The following EPB41 variants were observed in gnomAD, a reference collection of about 807,000 sequenced individuals.
EPB41 encodes erythrocyte membrane protein band 4.1, also known as protein 4.1.
EPB41 carries 65 observed loss-of-function variants against 108.0 expected under a neutral mutation model. The observed-to-expected ratio is 0.60, with a 90% CI of 0.49 to 0.74. The LOEUF is 0.74. Among genes scored for constraint, EPB41 ranks in the 30% least tolerant of loss-of-function variants. EPB41 has a pLI of 0.00. For missense variants in EPB41, 875 were observed against 1,037.0 expected, an observed-to-expected ratio of 0.84 and a Z score of 2.15; for synonymous variants, 336 against 358.9, an observed-to-expected ratio of 0.94 and a Z score of 0.72.
chr1:29,065,454 C>A, intron 16 of EPB41: 1 of 251,582 alleles, frequency 4.0e-6, no homozygotes, highest in Non-Finnish European at 7.4e-6. Context: ...GACCATAAGC[C>A]AGTAGAGGTT....
chr1:29,062,189 A>G (rs1379790302), intron 15 of EPB41, among the ~76,000 whole-genome samples: 1 of 152,216 alleles, frequency 6.6e-6, no homozygotes, highest in African/African-American at 2.4e-5. Context: ...TTCCATCTTC[A>G]GAGACTAGGA....
intron 1 of EPB41, among the ~76,000 whole-genome samples, chr1:28,892,785 T>C (rs1209401060): frequency 1.3e-5 from 2 of 149,568 alleles, no homozygotes; most frequent in East Asian, 2.0e-4. Flanking sequence ...GAAGTCAGGA[T>C]TTTCCCAGGT....
chr1:28,927,983 G>C (rs2093545797), intron 1 of EPB41, among the ~76,000 whole-genome samples: 1 of 152,058 alleles, frequency 6.6e-6, no homozygotes, highest in Non-Finnish European at 1.5e-5. Context: ...CCTCAGAGGT[G>C]CTGCTTTCTT....
intron 12 of EPB41, among the ~76,000 whole-genome samples, chr1:29,057,918 T>G (rs1645833315): frequency 6.6e-6 from 1 of 152,238 alleles, no homozygotes. Flanking sequence ...ATGTTGCAGC[T>G]GAATCCTGCA....
At chr1:29,044,278 G>T (rs1299339125) in intron 11 of EPB41, among the ~76,000 whole-genome samples, 1 of 152,136 alleles carries the variant, frequency 6.6e-6, no homozygotes, top group African/African-American at 2.4e-5. Context: ...AAAAATCCAG[G>T]TCTGTCTGAT....
intron 11 of EPB41, among the ~76,000 whole-genome samples, chr1:29,042,161 A>C (rs1226497051): frequency 6.6e-6 from 1 of 152,162 alleles, no homozygotes; most frequent in East Asian, 1.9e-4. Context: ...GATGTGAGGA[A>C]ATTTTATAAT....
chr1:28,980,593 T>C (rs1412779318), intron 1 of EPB41, among the ~76,000 whole-genome samples: 1 of 151,850 alleles, frequency 6.6e-6, no homozygotes, highest in Non-Finnish European at 1.5e-5. Flanking sequence ...TGTGTGTACC[T>C]GTAGTTCCAG....
At chr1:29,015,413 C>T (rs575827466) in intron 5 of EPB41, among the ~76,000 whole-genome samples, 4 of 151,546 alleles carry the variant, frequency 2.6e-5, no homozygotes, top group South Asian at 2.1e-4. Context: ...CAAAATTAGC[C>T]GGGCGTGGTG....
chr1:28,913,832 C>T (rs956600628), upstream of EPB41, among the ~76,000 whole-genome samples: 1 of 152,164 alleles, frequency 6.6e-6, no homozygotes, highest in Admixed American at 6.5e-5. Flanking sequence ...ACACACTAAG[C>T]AATTGTCAGA....
At chr1:28,955,349 C>CT (rs34535420) in intron 1 of EPB41, among the ~76,000 whole-genome samples, 66 of 147,446 alleles carry the variant, frequency 4.5e-4, no homozygotes, top group South Asian at 6.4e-4. Flanking sequence ...TTTCTTTATT[C>CT]TTTTTTTTTT....
chr1:29,067,533 G>A (rs557890850), intron 16 of EPB41, among the ~76,000 whole-genome samples: 33 of 145,570 alleles, frequency 2.3e-4, no homozygotes, highest in African/African-American at 8.0e-4. Context: ...CAGGCATGGT[G>A]GCATGCGCCT....
chr1:29,103,652 TTTTA>T (rs573384628), intron 17 of EPB41, among the ~76,000 whole-genome samples: 333 of 152,292 alleles, frequency 2.2e-3, no homozygotes, highest in African/African-American at 7.4e-3. Flanking sequence ...TTGCTTTTTA[TTTTA>T]TTTGTTTGTT....
chr1:29,057,145 G>A (rs1281729586), intron 12 of EPB41, among the ~76,000 whole-genome samples: 1 of 151,688 alleles, frequency 6.6e-6, no homozygotes, highest in South Asian at 2.1e-4. Flanking sequence ...GGACGGCTGA[G>A]GCGGGCGGAT....
intron 1 of EPB41, among the ~76,000 whole-genome samples, chr1:28,959,945 G>A (rs1373488585): frequency 6.7e-6 from 1 of 150,292 alleles, no homozygotes; most frequent in South Asian, 2.1e-4. Flanking sequence ...CCCTCCCAAA[G>A]TGCTGGGATT....
At chr1:28,929,230 A>ATT (rs543860349) in intron 1 of EPB41, among the ~76,000 whole-genome samples, 6 of 141,426 alleles carry the variant, frequency 4.2e-5, no homozygotes, top group African/African-American at 1.3e-4. Flanking sequence ...AATTTTTACT[A>ATT]TTTTTTTTTT....
Position 29,030,482 on chromosome 1 carries a change from G to A in EPB41, c.1207G>A (p.Ala403Thr), listed in dbSNP as rs2096774096. ...LSMYGVDLHK[A>T]KDLEGVDIIL... ...TATGTATGGAGTTGATCTTCATAAA[G>A]CAAAGGTAATGATAACTTTGCCCTT... Residue 403 changes from alanine (A) to threonine (T), a missense_variant, in exon 8 of 21, where the codon GCA becomes ACA. Transcript: ENST00000343067. The A allele has an allele frequency of 1.9e-6, 3 of 1,612,678 alleles. No homozygotes were observed. Among genetic ancestry groups the A allele is most frequent in the Non-Finnish European group, 1.7e-6 (2 of 1,178,702 alleles).
chr1:28,931,560 G>C (rs374477624), intron 1 of EPB41, among the ~76,000 whole-genome samples: 1 of 144,824 alleles, frequency 6.9e-6, no homozygotes, highest in African/African-American at 2.6e-5. Context: ...ACAAAGTCTC[G>C]CTCTGTTGCC....
intron 12 of EPB41, among the ~76,000 whole-genome samples, chr1:29,055,813 A>C (rs528317613): frequency 6.7e-6 from 1 of 149,476 alleles, no homozygotes; most frequent in East Asian, 2.0e-4. Flanking sequence ...CTGTAATCCC[A>C]GCTATTTGGG....
At chr1:28,911,805 T>C (rs889515022), upstream of EPB41, among the ~76,000 whole-genome samples, 1 of 151,776 alleles carries the variant, frequency 6.6e-6, no homozygotes, top group Non-Finnish European at 1.5e-5. Context: ...CACTTTGGGA[T>C]GCTGAGGTGG....
Sources: allele counts gnomAD v4.1 joint callset (sites outside exome capture counted in the v4.1 genomes callset), GRCh38; gene constraint gnomAD v4.1.1; transcripts MANE v1.5; gene names NCBI Gene and HGNC (gene_info 2026-07-23, HGNC 2026-07-21).